The following KIAA1328 variants were observed in gnomAD, a reference collection of about 807,000 sequenced individuals.
KIAA1328 encodes the protein protein hinderin.
In KIAA1328, 52 loss-of-function variants were observed where a neutral mutation model predicts 68.1. That is an observed-to-expected ratio of 0.76 (90% CI 0.61 to 0.96). KIAA1328 has a LOEUF of 0.96. Among genes scored for constraint, KIAA1328 ranks in the 40% least tolerant of loss-of-function variants. The pLI is 0.00. For missense variants in KIAA1328, 641 were observed against 677.6 expected (o/e 0.95, Z 0.60); for synonymous variants, 232 against 239.4 (o/e 0.97, Z 0.28).
chr18:37,137,393 C>A (rs2058669174), intron 7 of KIAA1328, among the ~76,000 whole-genome samples: 1 of 152,130 alleles, frequency 6.6e-6, no homozygotes, highest in Admixed American at 6.5e-5. Context: ...TGCTATTGAG[C>A]TACTGCCCCA....
intron 4 of KIAA1328, among the ~76,000 whole-genome samples, chr18:36,858,375 C>T (rs1465090968): frequency 1.3e-5 from 2 of 152,022 alleles, no homozygotes; most frequent in Admixed American, 1.3e-4. Context: ...AGCATTTTAT[C>T]TTGAAATAAT....
At chr18:37,012,339 C>T (rs1217035659) in intron 6 of KIAA1328, among the ~76,000 whole-genome samples, 3 of 152,192 alleles carry the variant, frequency 2.0e-5, no homozygotes. Context: ...GGTGTTTCTG[C>T]TGCTTCCACA....
intron 7 of KIAA1328, among the ~76,000 whole-genome samples, chr18:37,141,500 T>TGGACA (rs1477810108): frequency 6.6e-6 from 1 of 152,218 alleles, no homozygotes; most frequent in African/African-American, 2.4e-5. Flanking sequence ...CATCTGTTGA[T>TGGACA]GGACATATGG....
intron 9 of KIAA1328, among the ~76,000 whole-genome samples, chr18:37,190,437 G>A (rs2059884471): frequency 6.6e-6 from 1 of 152,130 alleles, no homozygotes; most frequent in Non-Finnish European, 1.5e-5. Flanking sequence ...GAATTTCTTT[G>A]TAGAGGAAGA....
intron 7 of KIAA1328, among the ~76,000 whole-genome samples, chr18:37,131,434 G>C (rs2058518385): frequency 6.6e-6 from 1 of 152,058 alleles, no homozygotes; most frequent in Non-Finnish European, 1.5e-5. Flanking sequence ...TGTAAGAGAG[G>C]TTTGCATCTC....
At chr18:37,147,570 G>C (rs9963059) in intron 7 of KIAA1328, among the ~76,000 whole-genome samples, 3,492 of 152,188 alleles carry the variant, frequency 0.023, 133 homozygotes, top group African/African-American at 0.08. Context: ...TCTCTGGAAA[G>C]CCTGGGGTGT....
At chr18:36,979,894 TCCCCAGTG>T (rs1030829789) in intron 6 of KIAA1328, among the ~76,000 whole-genome samples, 5 of 152,310 alleles carry the variant, frequency 3.3e-5, no homozygotes, top group African/African-American at 1.2e-4. Context: ...GGAAACTTAA[TCCCCAGTG>T]CAACATTATT....
At position 37,056,260 on chromosome 18, in the gene KIAA1328, A is replaced by C. The variant is rs556737971; in HGVS notation, c.577-10630A>C. ...CATACATGTATACAAGATCATATAC[A>C]TATTTATAAATAGGCATTGTTTTCT... On this transcript the variant is annotated intron_variant, in intron 6 of 9. Transcript: ENST00000280020. Among the ~76,000 whole-genome samples the C allele has an allele frequency of 2.6e-5, 4 of 152,352 alleles. No homozygotes were observed. In the East Asian group the frequency reaches 7.7e-4, roughly 29 times the overall value.
At chr18:37,149,878 C>A (rs901438522) in intron 7 of KIAA1328, among the ~76,000 whole-genome samples, 1 of 152,024 alleles carries the variant, frequency 6.6e-6, no homozygotes, top group African/African-American at 2.4e-5. Flanking sequence ...TCAAGATGAT[C>A]AACCTACTAT....
intron 4 of KIAA1328, among the ~76,000 whole-genome samples, chr18:36,878,083 T>G (rs1322341221): frequency 6.6e-6 from 1 of 152,210 alleles, no homozygotes; most frequent in Non-Finnish European, 1.5e-5. Context: ...TATTCGTTGA[T>G]GCAGTTTCTT....
intron 6 of KIAA1328, among the ~76,000 whole-genome samples, chr18:37,010,503 G>A (rs560987383): frequency 6.8e-6 from 1 of 146,784 alleles, no homozygotes; most frequent in South Asian, 2.2e-4. Context: ...CCATTTTGTG[G>A]ATCTCTTTAA....
rs186491252 is a variant in KIAA1328, at chr18:37,032,226, G to A, written c.577-34664G>A. On this transcript the variant is annotated intron_variant, in intron 6 of 9. Transcript: ENST00000280020. ...AAGTAATATTTACCAGATCATGTGT[G>A]ATGTCTAATGTATAACTGCATAAAA... Among the ~76,000 whole-genome samples, 56 of 152,230 alleles carry A rather than the reference G, an allele frequency of 3.7e-4. No individual in the cohort carries two copies. In the East Asian group the frequency reaches 9.5e-3, roughly 26 times the overall value.
intron 5 of KIAA1328, among the ~76,000 whole-genome samples, chr18:36,947,242 AAG>A (rs2050941108): frequency 6.6e-6 from 1 of 152,208 alleles, no homozygotes. Flanking sequence ...TGTTGATAAA[AAG>A]AGTCAAACTC....
In KIAA1328 at chr18:36,955,813, AG is replaced by A. The variant is rs1182444819; in HGVS notation, c.449-3491del. 7.2e-5 allele frequency: 11 copies of A among 151,836 alleles called. No individual in the cohort carries two copies. The East Asian group carries it at 1.7e-3, about 24-fold the overall frequency. The allele number at this position is 151,836 out of a possible 1,614,324, so 9.4% of individuals were successfully genotyped here. A position where few individuals can be genotyped will look rare whatever the true frequency, so the allele number is the denominator to read the frequency against. ...AATGATTTACCTTTTGTCTTTTCAC[AG>A]GGGCCTCTCTACATTTAGTTCTGTA... is the stretch of plus-strand genomic sequence containing the variant. On this transcript the variant is annotated intron_variant, in intron 5 of 9. Transcript: ENST00000280020.
intron 4 of KIAA1328, among the ~76,000 whole-genome samples, chr18:36,868,169 A>G (rs2047820472): frequency 6.6e-6 from 1 of 152,198 alleles, no homozygotes; most frequent in Admixed American, 6.5e-5. Context: ...AAGAGAAATT[A>G]GGGGTATAGT....
Position 36,844,602 on chromosome 18 carries a change from T to C in KIAA1328, c.332+300T>C, listed in dbSNP as rs369352394. Among the ~76,000 whole-genome samples, 13 of 152,178 alleles carry C rather than the reference T, an allele frequency of 8.5e-5. No individual in the cohort carries two copies. The East Asian group carries it at 2.5e-3, about 29-fold the overall frequency. On this transcript the variant is annotated intron_variant, in intron 4 of 9. Coordinates refer to ENST00000280020, the MANE Select transcript of KIAA1328 (RefSeq NM_020776.3). ...TTTTAGAAACTACTGTTGAAGTAGGTTGATATTGTTGTAATCAGAGGCGTA... is the reference window on the plus strand; with the variant it reads ...TTTTAGAAACTACTGTTGAAGTAGGCTGATATTGTTGTAATCAGAGGCGTA...
At chr18:37,063,137 G>A (rs776196499) in intron 6 of KIAA1328, among the ~76,000 whole-genome samples, 9 of 151,872 alleles carry the variant, frequency 5.9e-5, no homozygotes, top group Admixed American at 1.3e-4. Context: ...TGGAGCTCAA[G>A]GTCCTCTTCC....
At chr18:36,962,704 G>A (rs984537674) in intron 6 of KIAA1328, among the ~76,000 whole-genome samples, 2 of 152,172 alleles carry the variant, frequency 1.3e-5, no homozygotes, top group Admixed American at 1.3e-4. Flanking sequence ...TGAACAACCT[G>A]CTCCTGAATG....
chr18:37,006,256 C>T (rs922146226), intron 6 of KIAA1328, among the ~76,000 whole-genome samples: 2 of 151,670 alleles, frequency 1.3e-5, no homozygotes, highest in Non-Finnish European at 2.9e-5. Context: ...AATGTGTAAA[C>T]ATATGGGTTT....
Sources: gnomAD v4.1 joint callset for allele counts (sites outside exome capture counted in the v4.1 genomes callset) on GRCh38, gnomAD v4.1.1 for gene constraint, MANE v1.5 for transcripts, NCBI Gene and HGNC (gene_info 2026-07-23, HGNC 2026-07-21) for gene names.